Variants in PLPP7 observed in about 807,000 individuals in gnomAD.
The protein encoded by PLPP7 is inactive phospholipid phosphatase 7.
Under a neutral mutation model 16.9 loss-of-function variants are expected in PLPP7, and 11 were observed. The ratio of observed to expected loss-of-function variants is 0.65; its 90% CI spans 0.41 to 1.08. PLPP7 has a LOEUF of 1.08. PLPP7 is among the 50% of genes least tolerant of loss of function. PLPP7 has a pLI of 0.00. For missense variants in PLPP7, 358 were observed against 397.1 expected, an observed-to-expected ratio of 0.90 and a Z score of 0.84; for synonymous variants, 174 against 175.1, an observed-to-expected ratio of 0.99 and a Z score of 0.05.
chr9:131,305,759 G>T (rs1835845552), intron 1 of PLPP7, among the ~76,000 whole-genome samples: 1 of 152,060 alleles, frequency 6.6e-6, no homozygotes, highest in Non-Finnish European at 1.5e-5. Flanking sequence ...CCTCCTGATA[G>T]CTGAAACTAC....
At chr9:131,298,354 A>G (rs1300135420) in intron 1 of PLPP7, among the ~76,000 whole-genome samples, 1 of 152,140 alleles carries the variant, frequency 6.6e-6, no homozygotes, top group African/African-American at 2.4e-5. Flanking sequence ...CCAGCCCAGG[A>G]GCACTGGGAC....
At chr9:131,291,108 C>T in intron 1 of PLPP7, 1 of 1,366,528 alleles carries the variant, frequency 7.3e-7, no homozygotes, top group Non-Finnish European at 9.8e-7. Flanking sequence ...CAATGTCTTG[C>T]AGATTAGCAC....
chr9:131,294,240 C>A (rs1203368463), intron 1 of PLPP7, among the ~76,000 whole-genome samples: 1 of 152,218 alleles, frequency 6.6e-6, no homozygotes, highest in African/African-American at 2.4e-5. Context: ...GCTGTGGGAA[C>A]TCAGGCAAGT....
chr9:131,302,084 G>A (rs1835805097), intron 1 of PLPP7, among the ~76,000 whole-genome samples: 1 of 152,152 alleles, frequency 6.6e-6, no homozygotes, highest in South Asian at 2.1e-4. Context: ...CTCCCAAAGT[G>A]CTGGAATTAC....
intron 1 of PLPP7, among the ~76,000 whole-genome samples, chr9:131,306,186 G>A (rs1000086827): frequency 6.6e-6 from 1 of 151,526 alleles, no homozygotes; most frequent in Non-Finnish European, 1.5e-5. Flanking sequence ...GCAGTGAGCC[G>A]AGATGGCACC....
intron 1 of PLPP7, among the ~76,000 whole-genome samples, chr9:131,299,373 G>A (rs1311762626): frequency 2.0e-5 from 3 of 152,222 alleles, no homozygotes; most frequent in South Asian, 2.1e-4. Context: ...TCAACTGGTC[G>A]ACTGGACAGG....
At chr9:131,307,127 T>C (rs1835862105) in intron 1 of PLPP7, among the ~76,000 whole-genome samples, 1 of 150,352 alleles carries the variant, frequency 6.7e-6, no homozygotes, top group South Asian at 2.1e-4. Flanking sequence ...GCACCTGTAA[T>C]CCCAGCTACT....
rs2483472 is a variant in PLPP7 at position 131,295,186 on chromosome 9, C to T, written c.451+4738C>T. On this transcript the variant is annotated intron_variant, in intron 1 of 1. Coordinates refer to ENST00000372264, the MANE Select transcript of PLPP7 (RefSeq NM_032728.4). This position sits in a 1 kb window ranked among gnomAD's most constrained non-coding sequence, Gnocchi z 4.0. Reference sequence around the variant, plus strand: ...TTTTTTTTTTTGAGACGGAGTCTCGCTCTGTCACCCAGGCTGGACTGCAGT... The same window carrying T: ...TTTTTTTTTTTGAGACGGAGTCTCGTTCTGTCACCCAGGCTGGACTGCAGT... Among the ~76,000 whole-genome samples the T allele has an allele frequency of 0.71, 108,278 of 151,500 alleles. 40,202 individuals are homozygous for T. The highest frequency in any genetic ancestry group is 0.83 in the Non-Finnish European group (55,932 of 67,782).
intron 1 of PLPP7, among the ~76,000 whole-genome samples, chr9:131,299,013 G>T (rs1011752649): frequency 2.0e-5 from 3 of 152,076 alleles, no homozygotes; most frequent in Non-Finnish European, 2.9e-5. Context: ...AAGCCCTGGT[G>T]TCCTCTGACA....
intron 1 of PLPP7, among the ~76,000 whole-genome samples, chr9:131,303,824 A>G (rs1170293200): frequency 6.6e-6 from 1 of 152,090 alleles, no homozygotes; most frequent in Non-Finnish European, 1.5e-5. Context: ...TTCGTCTCAC[A>G]GGTGAGGAAA....
chr9:131,291,207 C>T, intron 1 of PLPP7: 1 of 1,358,184 alleles, frequency 7.4e-7, no homozygotes, highest in Non-Finnish European at 9.8e-7. Flanking sequence ...TCCGGCCCAC[C>T]CTTCGGGCAC....
At chr9:131,299,941 A>T (rs1434850793) in intron 1 of PLPP7, among the ~76,000 whole-genome samples, 4 of 152,206 alleles carry the variant, frequency 2.6e-5, no homozygotes, top group African/African-American at 7.2e-5. Context: ...AAGGGGGCAG[A>T]TACCCCCCGT....
chr9:131,291,045 G>A (rs1835669818), intron 1 of PLPP7: 1 of 1,365,058 alleles, frequency 7.3e-7, no homozygotes. Flanking sequence ...AGTCACTGGA[G>A]AAGGGTTCGG....
intron 1 of PLPP7, among the ~76,000 whole-genome samples, chr9:131,305,284 T>A (rs1835841968): frequency 6.6e-6 from 1 of 152,214 alleles, no homozygotes; most frequent in Non-Finnish European, 1.5e-5. Flanking sequence ...GCACAGTGGC[T>A]CACGCCTGGA....
At chr9:131,298,088 T>C (rs1402907993) in intron 1 of PLPP7, among the ~76,000 whole-genome samples, 3 of 152,062 alleles carry the variant, frequency 2.0e-5, no homozygotes, top group Non-Finnish European at 2.9e-5. Context: ...GTTTCACGTT[T>C]TTCGGTGTTA....
chr9:131,305,760 C>CTGAAACTACAGGCAT (rs1835845610), intron 1 of PLPP7, among the ~76,000 whole-genome samples: 1 of 152,080 alleles, frequency 6.6e-6, no homozygotes, highest in Non-Finnish European at 1.5e-5. Flanking sequence ...CTCCTGATAG[C>CTGAAACTACAGGCAT]TGAAACTACA....
At chr9:131,302,586 A>G (rs1588209908) in intron 1 of PLPP7, among the ~76,000 whole-genome samples, 1 of 152,172 alleles carries the variant, frequency 6.6e-6, no homozygotes, top group Non-Finnish European at 1.5e-5. Flanking sequence ...GACCCAGCCC[A>G]GGGGAACAGC....
chr9:131,291,029 A>AG (rs1835669361), intron 1 of PLPP7: 1 of 1,353,042 alleles, frequency 7.4e-7, no homozygotes, highest in Non-Finnish European at 9.9e-7. Flanking sequence ...GCTCCTTCCC[A>AG]GGGGGAGTCA....
At position 131,289,751 on chromosome 9, in the gene PLPP7, G is replaced by A; in HGVS notation, c.-247G>A. On this transcript the variant is annotated 5_prime_UTR_variant, in exon 1 of 2. Transcript: ENST00000372264. ...GCTGTGGACTCCTCACCTCCCGGAG[G>A]CTCTGCTGGTGCAGGCCCCGCATTG... 2.5e-6 allele frequency: 1 copy of A among 394,124 alleles called. No homozygotes were observed. Among genetic ancestry groups the A allele is most frequent in the Non-Finnish European group, 4.5e-6 (1 of 223,780 alleles). 24.4% of individuals were successfully genotyped at this position (394,124 alleles called of 1,614,324 possible).
Sources: allele counts gnomAD v4.1 joint callset (sites outside exome capture counted in the v4.1 genomes callset), GRCh38; gene constraint gnomAD v4.1.1; non-coding constraint Gnocchi (gnomAD v3.1); transcripts MANE v1.5; gene names NCBI Gene and HGNC (gene_info 2026-07-23, HGNC 2026-07-21).